EPB41L4A: variants seen among roughly 807,000 people sequenced by gnomAD.
EPB41L4A encodes the protein band 4.1-like protein 4A.
EPB41L4A carries 100 observed loss-of-function variants against 108.6 expected under a neutral mutation model. That is an observed-to-expected ratio of 0.92 (90% CI 0.78 to 1.09). The LOEUF is 1.09. Ranked by LOEUF, EPB41L4A falls within the 50% of genes least tolerant of loss-of-function variation. The probability of loss-of-function intolerance (pLI) is 0.00; values close to 1 mark genes in which losing one functional copy is unlikely to be tolerated. For missense variants in EPB41L4A, 1,030 were observed against 842.7 expected (o/e 1.22, Z -2.75); for synonymous variants, 319 against 289.0 (o/e 1.10, Z -1.05).
chr5:112,415,297 T>C (rs545345174), intron 1 of EPB41L4A, among the ~76,000 whole-genome samples: 3 of 152,258 alleles, frequency 2.0e-5, no homozygotes, highest in South Asian at 4.1e-4. Context: ...CTATACACTT[T>C]AACTGGGCGA....
intron 11 of EPB41L4A, among the ~76,000 whole-genome samples, chr5:112,237,600 C>A (rs1003994746): frequency 3.3e-5 from 5 of 152,148 alleles, no homozygotes; most frequent in African/African-American, 1.2e-4. Flanking sequence ...TAAAAGCCTG[C>A]AGGGTGAAAG....
chr5:112,152,846 T>C (rs914276455), intron 12 of EPB41L4A, among the ~76,000 whole-genome samples: 2 of 151,956 alleles, frequency 1.3e-5, no homozygotes, highest in East Asian at 3.8e-4. Context: ...ATTCAAAGAT[T>C]ACATATTAAT....
intron 1 of EPB41L4A, among the ~76,000 whole-genome samples, chr5:112,319,623 C>T (rs141445757): frequency 4.3e-4 from 66 of 152,136 alleles, no homozygotes; most frequent in African/African-American, 1.5e-3. Context: ...TCAGACAAGC[C>T]GAAATTGAGG....
Position 112,205,448 on chromosome 5 carries a change from G to A in EPB41L4A, c.1235C>T (p.Ala412Val). Residue 412 changes from alanine (A) to valine (V), a missense_variant, in exon 14 of 23, where the codon GCA (alanine) becomes GTA (valine). Transcript: ENST00000261486. ...CTGGGGGCCATTTTCTTCCCACGGT[G>A]CATGAGATTTGCTTCTTTGGGTATC... is the stretch of plus-strand genomic sequence containing the variant. Reference protein sequence around the residue: ...SPDTQRSKSHAPWEENGPQSG... With the variant: ...SPDTQRSKSHVPWEENGPQSG... The A allele has an allele frequency of 3.1e-6, 5 of 1,613,848 alleles. No homozygotes were observed. The highest frequency in any genetic ancestry group is 4.2e-6 in the Non-Finnish European group (5 of 1,179,894).
At chr5:112,261,885 A>ATTTTTTTT (rs35793398) in intron 7 of EPB41L4A, among the ~76,000 whole-genome samples, 2 of 112,450 alleles carry the variant, frequency 1.8e-5, no homozygotes, top group African/African-American at 6.9e-5. Context: ...TTACACACCA[A>ATTTTTTTT]TTTTTTTTTT....
intron 13 of EPB41L4A, 93 bp from the exon 14 acceptor site, chr5:112,205,597 T>C: frequency 3.2e-6 from 3 of 934,758 alleles, no homozygotes; most frequent in Non-Finnish European, 4.9e-6. Context: ...TTTTAACAAA[T>C]GTTAAGATGT....
intron 1 of EPB41L4A, among the ~76,000 whole-genome samples, chr5:112,317,123 G>A (rs1030729307): frequency 1.3e-5 from 2 of 152,168 alleles, no homozygotes; most frequent in Admixed American, 6.5e-5. Context: ...TATAGTGAGC[G>A]ACTGGAAGAA....
intron 1 of EPB41L4A, among the ~76,000 whole-genome samples, chr5:112,399,045 G>A (rs995405768): frequency 1.3e-5 from 2 of 152,024 alleles, no homozygotes; most frequent in African/African-American, 2.4e-5. Context: ...TGAGACCAAC[G>A]TGCGGAGCGG....
intron 12 of EPB41L4A, among the ~76,000 whole-genome samples, chr5:112,218,227 A>G (rs1298864874): frequency 6.6e-6 from 1 of 152,164 alleles, no homozygotes; most frequent in Non-Finnish European, 1.5e-5. Context: ...AAGATTTGTA[A>G]TCTACACCAG....
At chr5:112,369,084 G>C (rs1177155396) in intron 1 of EPB41L4A, among the ~76,000 whole-genome samples, 5 of 152,084 alleles carry the variant, frequency 3.3e-5, no homozygotes, top group African/African-American at 9.7e-5. Flanking sequence ...GGTTTCCATA[G>C]TATTATCGGC....
At chr5:112,353,060 G>A (rs1580741703) in intron 1 of EPB41L4A, among the ~76,000 whole-genome samples, 1 of 152,310 alleles carries the variant, frequency 6.6e-6, no homozygotes, top group African/African-American at 2.4e-5. Flanking sequence ...ATACAGCAGT[G>A]TAGTGCCCAT....
At chr5:112,176,435 C>T (rs10900677) in intron 18 of EPB41L4A, among the ~76,000 whole-genome samples, 3,976 of 152,208 alleles carry the variant, frequency 0.026, 196 homozygotes, top group Admixed American at 0.12. Flanking sequence ...CATCTCAAAC[C>T]TAACAAAGAG....
In EPB41L4A at chr5:112,372,514, C is replaced by CG. The variant is rs557644534; in HGVS notation, c.99+46426_99+46427insC. The stretch of plus-strand genomic sequence containing the variant: ...AGATAGCTGAACTGAGAGCACTAAT[C>CG]ATAAGAGAAGGAGAATCTTCCAGAC... On this transcript the variant is annotated intron_variant, in intron 1 of 22. Transcript: ENST00000261486. Among the ~76,000 whole-genome samples, 118 of 152,232 alleles carry CG rather than the reference C, an allele frequency of 7.8e-4. 4 individuals are homozygous for CG. In the South Asian group the frequency reaches 0.024, roughly 31 times the overall value.
At chr5:112,260,593 G>A (rs776808329) in intron 7 of EPB41L4A, among the ~76,000 whole-genome samples, 4 of 152,118 alleles carry the variant, frequency 2.6e-5, no homozygotes, top group Non-Finnish European at 5.9e-5. Flanking sequence ...TCTCTATCAT[G>A]TTTCTTCCTA....
intron 1 of EPB41L4A, among the ~76,000 whole-genome samples, chr5:112,345,000 C>A (rs1174198425): frequency 2.0e-5 from 3 of 152,192 alleles, no homozygotes; most frequent in Admixed American, 2.0e-4. Flanking sequence ...TATATTATTT[C>A]CTCATTTATA....
intron 17 of EPB41L4A, among the ~76,000 whole-genome samples, chr5:112,185,815 A>C (rs1262301949): frequency 6.6e-6 from 1 of 152,132 alleles, no homozygotes; most frequent in Non-Finnish European, 1.5e-5. Context: ...AAACACTCCC[A>C]TTTGAAAATG....
intron 2 of EPB41L4A, among the ~76,000 whole-genome samples, chr5:112,298,646 C>G (rs549951132): frequency 7.2e-5 from 11 of 151,994 alleles, no homozygotes; most frequent in Middle Eastern, 3.4e-3. Flanking sequence ...CTGTAGTTTT[C>G]TTTGTTATAC....
At chr5:112,202,525 T>G (rs1349757859) in intron 15 of EPB41L4A, among the ~76,000 whole-genome samples, 1 of 152,148 alleles carries the variant, frequency 6.6e-6, no homozygotes, top group Non-Finnish European at 1.5e-5. Context: ...TGGGATTACA[T>G]GAGATAATAT....
chr5:112,385,107 G>A (rs1760424438), intron 1 of EPB41L4A, among the ~76,000 whole-genome samples: 1 of 152,180 alleles, frequency 6.6e-6, no homozygotes, highest in African/African-American at 2.4e-5. Flanking sequence ...CCTGCCACCA[G>A]AGCCTGCTAA....
Sources: allele counts gnomAD v4.1 joint callset (sites outside exome capture counted in the v4.1 genomes callset), GRCh38; gene constraint gnomAD v4.1.1; transcripts MANE v1.5; gene names NCBI Gene and HGNC (gene_info 2026-07-23, HGNC 2026-07-21).